Variants in GNAL observed in about 807,000 individuals in gnomAD.
GNAL encodes the protein guanine nucleotide-binding protein G(olf) subunit alpha.
GNAL carries 18 observed loss-of-function variants against 55.1 expected under a neutral mutation model. That is an observed-to-expected ratio of 0.33 (90% confidence interval 0.23 to 0.48). The LOEUF (loss-of-function observed/expected upper bound fraction) is 0.48, where lower values mean the gene tolerates loss of function less well. GNAL is among the 20% of genes least tolerant of loss of function. GNAL has a pLI of 0.99. For synonymous variants in GNAL, 253 were observed against 237.0 expected, an observed-to-expected ratio of 1.07 and a Z score of -0.62; for missense variants, 412 against 614.1, an observed-to-expected ratio of 0.67 and a Z score of 3.48.
intron 4 of GNAL, among the ~76,000 whole-genome samples, chr18:11,799,937 CT>C (rs2034481007): frequency 6.6e-6 from 1 of 152,126 alleles, no homozygotes; most frequent in African/African-American, 2.4e-5. Context: ...TTCCCTCCCC[CT>C]GTACGTGTCC....
chr18:11,852,059 C>T lies in GNAL; in HGVS notation c.723-10336C>T, dbSNP rs772587665. On this transcript the variant is annotated intron_variant, in intron 5 of 11. Transcript: ENST00000334049. The stretch of plus-strand genomic sequence containing the variant: ...TCCGTGGGCACGAGCGTGGCTTCGG[C>T]GGAGCAGGATGAACTGTCTCAGAGA... 16 of 1,612,984 alleles carry T rather than the reference C, an allele frequency of 9.9e-6. No homozygotes were observed. In the Admixed American group the frequency reaches 1.8e-4, roughly 19 times the overall value.
At chr18:11,737,065 G>C (rs1330726714) in intron 1 of GNAL, among the ~76,000 whole-genome samples, 1 of 152,328 alleles carries the variant, frequency 6.6e-6, no homozygotes, top group East Asian at 1.9e-4. Flanking sequence ...TATTCTTTCT[G>C]TGAGCTTGGA....
chr18:11,881,484 G>A lies in GNAL; in HGVS notation c.*349G>A, dbSNP rs1045013906. The A allele has an allele frequency of 2.1e-4, 39 of 189,828 alleles. No individual in the cohort carries two copies. Among genetic ancestry groups the A allele is most frequent in the African/African-American group, 9.0e-4 (36 of 40,182 alleles). The allele number at this position is 189,828 out of a possible 1,614,324, so 11.8% of individuals were successfully genotyped here. A position where few individuals can be genotyped will look rare whatever the true frequency, so the allele number is the denominator to read the frequency against. The stretch of plus-strand genomic sequence containing the variant: ...AAACACAGTTGGTTTTTTTTTCCAC[G>A]TTATCAACCGTGACTGCAAGAGCGT... On this transcript the variant is annotated 3_prime_UTR_variant, in exon 12 of 12. Transcript: ENST00000334049. The surrounding 1 kb of genome is among the most constrained non-coding windows in gnomAD (Gnocchi z 4.8).
intron 4 of GNAL, among the ~76,000 whole-genome samples, chr18:11,758,532 G>T (rs1356852970): frequency 1.3e-5 from 2 of 152,224 alleles, no homozygotes; most frequent in African/African-American, 4.8e-5. Flanking sequence ...GATATTTGCT[G>T]CAGAATAATG....
At chr18:11,714,581 G>C (rs1567995270) in intron 1 of GNAL, among the ~76,000 whole-genome samples, 1 of 152,192 alleles carries the variant, frequency 6.6e-6, no homozygotes, top group Non-Finnish European at 1.5e-5. Context: ...ATGATTTCTA[G>C]TCTTGTCTTT....
chr18:11,780,699 T>C (rs1000559395), intron 4 of GNAL, among the ~76,000 whole-genome samples: 4 of 152,174 alleles, frequency 2.6e-5, no homozygotes, highest in Non-Finnish European at 5.9e-5. Flanking sequence ...ATTATATTAA[T>C]ACCAAACTCA....
At chr18:11,808,332 C>A (rs2143551285) in intron 4 of GNAL, among the ~76,000 whole-genome samples, 1 of 152,228 alleles carries the variant, frequency 6.6e-6, no homozygotes, top group African/African-American at 2.4e-5. Flanking sequence ...GAGCAGAAGG[C>A]CAGGAAGAGG....
At chr18:11,767,263 C>T (rs2033436241) in intron 4 of GNAL, among the ~76,000 whole-genome samples, 1 of 151,510 alleles carries the variant, frequency 6.6e-6, no homozygotes, top group African/African-American at 2.4e-5. Context: ...TATGCTTGCA[C>T]ACTTGCACTC....
rs1162455347 is a variant in GNAL at position 11,753,814 on chromosome 18, A to C, written c.505-12A>C. On this transcript the variant is annotated splice_polypyrimidine_tract_variant and intron_variant, in intron 3 of 11. Coordinates refer to ENST00000334049, the MANE Select transcript of GNAL (RefSeq NM_182978.4). ...AATGTTTATCCATATTTTTTTTCTT[A>C]TTCCATTTTAGACAATTGTTTCAGC... The C allele has an allele frequency of 6.2e-7, 1 of 1,600,036 alleles. No individual in the cohort carries two copies. The highest frequency in any genetic ancestry group is 2.2e-5 in the East Asian group (1 of 44,798).
intron 1 of GNAL, among the ~76,000 whole-genome samples, chr18:11,706,664 T>C (rs957966676): frequency 2.6e-5 from 4 of 152,222 alleles, no homozygotes; most frequent in Admixed American, 6.5e-5. Context: ...TCCTTTGTAA[T>C]AGTTTCAACA....
In GNAL at chr18:11,783,830, T is replaced by C. The variant is rs542007169; in HGVS notation, c.624+29885T>C. Among the ~76,000 whole-genome samples the C allele has an allele frequency of 2.7e-4, 41 of 152,328 alleles. No individual in the cohort carries two copies. The South Asian group carries it at 8.1e-3, about 30-fold the overall frequency. ...TTTGGCATGTCTGGCACATCTCAGT[T>C]TGAGCAAGCCGCATTTCAAGCTCAG... is the stretch of plus-strand genomic sequence containing the variant. On this transcript the variant is annotated intron_variant, in intron 4 of 11. Transcript: ENST00000334049.
At chr18:11,767,869 C>T (rs986006993) in intron 4 of GNAL, among the ~76,000 whole-genome samples, 5 of 152,172 alleles carry the variant, frequency 3.3e-5, no homozygotes. Flanking sequence ...TCCAAGAACA[C>T]AGTTTGCATG....
chr18:11,699,442 T>G (rs2143311583), intron 1 of GNAL, among the ~76,000 whole-genome samples: 1 of 152,122 alleles, frequency 6.6e-6, no homozygotes, highest in East Asian at 1.9e-4. Context: ...CTCAAAGTCC[T>G]GACCTCTGGG....
chr18:11,777,978 C>A (rs897762021), intron 4 of GNAL, among the ~76,000 whole-genome samples: 5 of 152,212 alleles, frequency 3.3e-5, no homozygotes, highest in African/African-American at 9.7e-5. Flanking sequence ...TCGCCCCTCA[C>A]TGGGCTGCCT....
chr18:11,703,794 G>GGC (rs1555641017), intron 1 of GNAL, among the ~76,000 whole-genome samples: 12 of 88,650 alleles, frequency 1.4e-4, no homozygotes, highest in East Asian at 2.9e-4. Context: ...AGTGTTGATG[G>GGC]GCACACACAC....
At chr18:11,866,508 G>A (rs2036266942) in intron 7 of GNAL, among the ~76,000 whole-genome samples, 2 of 150,342 alleles carry the variant, frequency 1.3e-5, no homozygotes, top group South Asian at 4.1e-4. Flanking sequence ...TGAGAAGAGG[G>A]GCCTGGGCCG....
intron 1 of GNAL, among the ~76,000 whole-genome samples, chr18:11,748,700 T>C (rs868489283): frequency 8.5e-5 from 13 of 152,164 alleles, no homozygotes; most frequent in Non-Finnish European, 1.5e-4. Flanking sequence ...TCTCCCTTTA[T>C]AAGTTTTCAA....
At chr18:11,735,754 CAA>C (rs1185594144) in intron 1 of GNAL, among the ~76,000 whole-genome samples, 15 of 83,730 alleles carry the variant, frequency 1.8e-4, no homozygotes, top group Admixed American at 3.1e-4. Flanking sequence ...GAACCTGTCT[CAA>C]AAAAAAAAAA....
rs529535442 is a variant in GNAL, at chr18:11,820,799, A to G, written c.625-4119A>G. On this transcript the variant is annotated intron_variant, in intron 4 of 11. Transcript: ENST00000334049. ...GTATGCTAGTCCAACATGTTTACCCATGAGGAAGTTGAAGTGAAGAGAGAT... is the reference window on the plus strand; with the variant it reads ...GTATGCTAGTCCAACATGTTTACCCGTGAGGAAGTTGAAGTGAAGAGAGAT... 5.1e-3 allele frequency among the ~76,000 whole-genome samples: 780 copies of G among 152,368 alleles called. 9 individuals are homozygous for G. Among genetic ancestry groups the G allele is most frequent in the African/African-American group, 0.018 (737 of 41,590 alleles).
Sources: allele counts gnomAD v4.1 joint callset (sites outside exome capture counted in the v4.1 genomes callset), GRCh38; gene constraint gnomAD v4.1.1; non-coding constraint Gnocchi (gnomAD v3.1); transcripts MANE v1.5; gene names NCBI Gene and HGNC (gene_info 2026-07-23, HGNC 2026-07-21).